The following ACTR3C variants were observed in gnomAD, a reference collection of about 807,000 sequenced individuals.
The protein encoded by ACTR3C is actin-related protein 3C.
Under a neutral mutation model 26.3 loss-of-function variants are expected in ACTR3C, and 18 were observed. That is an observed-to-expected ratio of 0.68 (90% CI 0.47 to 1.01). The LOEUF (loss-of-function observed/expected upper bound fraction) is 1.01. Ranked by LOEUF, ACTR3C falls within the 50% of genes least tolerant of loss-of-function variation. The pLI, the probability that ACTR3C is intolerant of heterozygous loss-of-function variation, is 0.00. For synonymous variants in ACTR3C, 55 were observed against 94.5 expected, an observed-to-expected ratio of 0.58 and a Z score of 2.42; for missense variants, 184 against 250.7, an observed-to-expected ratio of 0.73 and a Z score of 1.80.
At chr7:150,199,903 A>G in the ACTR3C span, among the ~76,000 whole-genome samples, 2 of 152,096 alleles carry the variant, frequency 1.3e-5, no homozygotes, top group Non-Finnish European at 2.9e-5. Context: ...ATAAACAGGA[A>G]CAACAAGGTA....
chr7:150,108,957 C>T, the ACTR3C span, among the ~76,000 whole-genome samples: 8 of 151,994 alleles, frequency 5.3e-5, no homozygotes, highest in South Asian at 1.7e-3. Context: ...GTGGACTCAG[C>T]ACATCCCCCA....
chr7:150,280,798 ATGTGTG>A (rs200924995), intron 6 of ACTR3C, among the ~76,000 whole-genome samples: 104 of 147,580 alleles, frequency 7.0e-4, no homozygotes, highest in African/African-American at 2.2e-3. Flanking sequence ...CCTGCTCTTG[ATGTGTG>A]TGTGTGTGTG....
the ACTR3C span, among the ~76,000 whole-genome samples, chr7:149,948,841 G>T: frequency 7.2e-4 from 109 of 152,068 alleles, 1 homozygote; most frequent in African/African-American, 2.6e-3. Context: ...AAAATTCATG[G>T]AGTGCTGGTC....
At chr7:150,312,096 G>C (rs902400647) in intron 1 of ACTR3C, among the ~76,000 whole-genome samples, 1 of 152,092 alleles carries the variant, frequency 6.6e-6, no homozygotes, top group African/African-American at 2.4e-5. Flanking sequence ...AAATGCCTAC[G>C]CCAACAAAAT....
At chr7:150,204,619 C>A in the ACTR3C span, among the ~76,000 whole-genome samples, 2 of 152,240 alleles carry the variant, frequency 1.3e-5, no homozygotes, top group East Asian at 3.8e-4. Context: ...GATGCTGTAT[C>A]CTTTCTCTCA....
chr7:150,087,569 G>A, the ACTR3C span, among the ~76,000 whole-genome samples: 3 of 152,200 alleles, frequency 2.0e-5, no homozygotes, highest in African/African-American at 7.2e-5. Context: ...CGGCCTGGGA[G>A]AGGCAGAGAC....
chr7:150,307,809 A>G (rs1057219957), intron 1 of ACTR3C, among the ~76,000 whole-genome samples: 2 of 152,144 alleles, frequency 1.3e-5, no homozygotes, highest in Non-Finnish European at 2.9e-5. Flanking sequence ...AGGTCCTCAG[A>G]CCAGCCCAAA....
the ACTR3C span, among the ~76,000 whole-genome samples, chr7:150,213,441 CA>C: frequency 6.6e-6 from 1 of 152,076 alleles, no homozygotes; most frequent in Non-Finnish European, 1.5e-5. Flanking sequence ...TAGTGAAGGT[CA>C]ATAACAAAGC....
chr7:149,920,240 A>T, the ACTR3C span, among the ~76,000 whole-genome samples: 1 of 151,996 alleles, frequency 6.6e-6, no homozygotes. Flanking sequence ...CAAATGTCTT[A>T]TTATGCTGCA....
intron 1 of ACTR3C, among the ~76,000 whole-genome samples, chr7:150,317,500 G>A (rs1585016795): frequency 6.6e-6 from 1 of 152,206 alleles, no homozygotes; most frequent in East Asian, 1.9e-4. Flanking sequence ...TCTCACTTAT[G>A]CAATCAAGTC....
At chr7:150,294,716 C>T (rs1381358850) in intron 2 of ACTR3C, among the ~76,000 whole-genome samples, 1 of 151,996 alleles carries the variant, frequency 6.6e-6, no homozygotes. Flanking sequence ...TTGGGCAACA[C>T]CCATCTCATT....
the ACTR3C span, among the ~76,000 whole-genome samples, chr7:150,039,000 G>A: frequency 6.1e-3 from 243 of 40,068 alleles, 48 homozygotes; most frequent in African/African-American, 0.029. Context: ...CCTCAGAGCC[G>A]GGGGGCGGGG....
the ACTR3C span, among the ~76,000 whole-genome samples, chr7:149,957,285 T>C: frequency 1.3e-5 from 2 of 152,180 alleles, no homozygotes; most frequent in Admixed American, 6.5e-5. Flanking sequence ...CTCGGCCACC[T>C]TCTCCCTGAC....
the ACTR3C span, among the ~76,000 whole-genome samples, chr7:150,103,469 T>C: frequency 2.0e-5 from 3 of 151,900 alleles, no homozygotes; most frequent in African/African-American, 7.3e-5. Flanking sequence ...ATCTAGCATC[T>C]AGCCACTGCA....
At chr7:150,235,667 G>A in the ACTR3C span, among the ~76,000 whole-genome samples, 1 of 152,110 alleles carries the variant, frequency 6.6e-6, no homozygotes, top group Non-Finnish European at 1.5e-5. Flanking sequence ...GGGTTCATTC[G>A]GCTACCAATT....
chr7:149,925,502 A>G, the ACTR3C span, among the ~76,000 whole-genome samples: 2 of 152,226 alleles, frequency 1.3e-5, no homozygotes, highest in East Asian at 3.8e-4. Flanking sequence ...TGGTGCTGCT[A>G]TTATGAACAG....
At chr7:150,317,503 A>G (rs1454447640) in intron 1 of ACTR3C, among the ~76,000 whole-genome samples, 1 of 152,196 alleles carries the variant, frequency 6.6e-6, no homozygotes, top group Non-Finnish European at 1.5e-5. Context: ...CACTTATGCA[A>G]TCAAGTCACT....
At chr7:150,227,591 T>C in the ACTR3C span, among the ~76,000 whole-genome samples, 1 of 151,764 alleles carries the variant, frequency 6.6e-6, no homozygotes, top group Non-Finnish European at 1.5e-5. Flanking sequence ...TTTTCTCTTA[T>C]GTTTACTTCT....
At chr7:150,124,007 C>T in the ACTR3C span, among the ~76,000 whole-genome samples, 2 of 152,170 alleles carry the variant, frequency 1.3e-5, no homozygotes, top group African/African-American at 4.8e-5. Flanking sequence ...ATCATGCCTC[C>T]CCTGACTTAG....
Sources: gnomAD v4.1 joint callset for allele counts (sites outside exome capture counted in the v4.1 genomes callset) on GRCh38, gnomAD v4.1.1 for gene constraint, MANE v1.5 for transcripts, NCBI Gene and HGNC (gene_info 2026-07-23, HGNC 2026-07-21) for gene names.